SCN4B: variants seen among roughly 807,000 people sequenced by gnomAD.
SCN4B encodes the protein sodium voltage-gated channel beta subunit 4, also known as sodium channel regulatory subunit beta-4.
Under a neutral mutation model 19.6 loss-of-function variants are expected in SCN4B, and 20 were observed. That is an observed-to-expected ratio of 1.02 (90% CI 0.72 to 1.48). SCN4B has a LOEUF of 1.48. SCN4B is among the 40% of genes most tolerant of loss of function. SCN4B has a pLI of 0.00. For missense variants in SCN4B, 271 were observed against 287.5 expected (o/e 0.94, Z 0.42); for synonymous variants, 127 against 122.8 (o/e 1.03, Z -0.22).
intron 1 of SCN4B, among the ~76,000 whole-genome samples, chr11:118,149,031 T>C (rs1207604477): frequency 6.6e-6 from 1 of 152,232 alleles, no homozygotes; most frequent in Non-Finnish European, 1.5e-5. Flanking sequence ...AGCAGCCATT[T>C]TCTTTGCCTT....
At position 118,145,070 on chromosome 11, in the gene SCN4B, T is replaced by C. The variant is rs991576771; in HGVS notation, c.221A>G (p.Asp74Gly). 1.2e-6 allele frequency: 2 copies of C among 1,614,072 alleles called. No homozygotes were observed. Among genetic ancestry groups the C allele is most frequent in the African/African-American group, 2.7e-5 (2 of 74,990 alleles). ...CCAAATACTTACAATCTTGAATGCGTCACTGCTGTTGTAGGTCCACCGGAA... is the reference window on the plus strand; with the variant it reads ...CCAAATACTTACAATCTTGAATGCGCCACTGCTGTTGTAGGTCCACCGGAA... ...LHFRWTYNSS[D>G]AFKILIEGTV... The change falls in exon 2 of 5, where the codon GAC becomes GGC. Residue 74 changes from aspartate (D) to glycine (G), a missense_variant. Asp to Gly is a moderately conservative substitution (Grantham distance 94). Coordinates refer to ENST00000324727, the MANE Select transcript of SCN4B (RefSeq NM_174934.4).
intron 1 of SCN4B, among the ~76,000 whole-genome samples, chr11:118,151,603 G>A (rs1000209850): frequency 3.3e-5 from 5 of 152,136 alleles, no homozygotes; most frequent in Admixed American, 6.5e-5. Flanking sequence ...GTTTACATTC[G>A]CAGAAACAGT....
At chr11:118,137,163 A>G (rs745521722) in intron 4 of SCN4B, 43 bp from the exon 5 acceptor site, 22 of 1,422,914 alleles carry the variant, frequency 1.5e-5, no homozygotes, top group Non-Finnish European at 2.1e-5. Context: ...GAGAGGAGCA[A>G]GAGTAGGGGG....
intron 1 of SCN4B, among the ~76,000 whole-genome samples, chr11:118,147,174 A>G (rs1029703262): frequency 1.3e-5 from 2 of 152,232 alleles, no homozygotes; most frequent in Non-Finnish European, 2.9e-5. Flanking sequence ...TGTGCATACT[A>G]ACTACGACTT....
intron 4 of SCN4B, among the ~76,000 whole-genome samples, chr11:118,139,687 T>C (rs1303996570): frequency 6.6e-6 from 1 of 152,194 alleles, no homozygotes; most frequent in African/African-American, 2.4e-5. Flanking sequence ...TATCACTTAC[T>C]AGCTGTGTGG....
intron 1 of SCN4B, among the ~76,000 whole-genome samples, chr11:118,147,859 G>A (rs1025979009): frequency 6.6e-6 from 1 of 152,194 alleles, no homozygotes; most frequent in African/African-American, 2.4e-5. Flanking sequence ...TGGAGGAGAT[G>A]GGGGAACTCA....
rs369578115 is a variant in SCN4B at position 118,143,644 on chromosome 11, T to TA, written c.463+188dup. On this transcript the variant is annotated intron_variant, in intron 3 of 4. Coordinates refer to ENST00000324727, the MANE Select transcript of SCN4B (RefSeq NM_174934.4). ...GAGGCTTAGAGAGTATTTCATAAGC[T>TA]ATTTGGTAGCAGAATAAGTGTTCAA... Among the ~76,000 whole-genome samples, 374 of 152,364 alleles carry TA rather than the reference T, an allele frequency of 2.5e-3. 2 individuals are homozygous for TA. The highest frequency in any genetic ancestry group is 8.7e-3 in the African/African-American group (360 of 41,584).
chr11:118,145,425 G>A (rs1948159812), intron 1 of SCN4B, 196 bp from the exon 2 acceptor site: 1 of 1,510,192 alleles, frequency 6.6e-7, no homozygotes, highest in South Asian at 1.2e-5. Context: ...TTCTCCCCTG[G>A]AAAGGACTGA....
chr11:118,147,339 C>T (rs1948190326), intron 1 of SCN4B, among the ~76,000 whole-genome samples: 1 of 152,158 alleles, frequency 6.6e-6, no homozygotes, highest in Non-Finnish European at 1.5e-5. Context: ...TATACACTGT[C>T]TCATTTAACC....
chr11:118,135,160 T>C lies in SCN4B; in HGVS notation c.*1867A>G, dbSNP rs1288879795. The stretch of plus-strand genomic sequence containing the variant: ...CTGTCTGCTCCCAAAGCCAGGAAAA[T>C]CTGAGCCCCAGCCCATGACAGGTTC... On this transcript the variant is annotated 3_prime_UTR_variant, in exon 5 of 5. Coordinates refer to ENST00000324727, the MANE Select transcript of SCN4B (RefSeq NM_174934.4). 2.2e-6 allele frequency: 1 copy of C among 453,878 alleles called. No homozygotes were observed. Among genetic ancestry groups the C allele is most frequent in the African/African-American group, 2.0e-5 (1 of 49,966 alleles). The allele number at this position is 453,878 out of a possible 1,614,324, so 28.1% of individuals were successfully genotyped here. A position where few individuals can be genotyped will look rare whatever the true frequency, so the allele number is the denominator to read the frequency against.
intron 4 of SCN4B, among the ~76,000 whole-genome samples, chr11:118,139,519 TC>T (rs1213738105): frequency 6.6e-6 from 1 of 152,196 alleles, no homozygotes; most frequent in African/African-American, 2.4e-5. Flanking sequence ...TCTCATTCCT[TC>T]CATAATTTCC....
chr11:118,145,357 G>A (rs759930031), intron 1 of SCN4B, 128 bp from the exon 2 acceptor site: 31 of 1,542,148 alleles, frequency 2.0e-5, no homozygotes, highest in Middle Eastern at 4.4e-4. Context: ...GCCAACCTCG[G>A]GAGGATGGCT....
rs892601196 is a variant in SCN4B, at chr11:118,148,364, G to C, written c.62-3135C>G. ...TCAGTGTCTCCTATGAGGCTGCTCT[G>C]GGGGAGAGGGGGGAACCAGGGGCAG... On this transcript the variant is annotated intron_variant, in intron 1 of 4. Transcript: ENST00000324727. The surrounding 1 kb of genome is among the most constrained non-coding windows in gnomAD (Gnocchi z 4.0). 2.0e-5 allele frequency among the ~76,000 whole-genome samples: 3 copies of C among 152,188 alleles called. No homozygotes were observed. Among genetic ancestry groups the C allele is most frequent in the African/African-American group, 7.2e-5 (3 of 41,454 alleles).
Position 118,134,141 on chromosome 11 carries a change from C to T in SCN4B, c.*2886G>A, listed in dbSNP as rs1676746971. ...AGCCCCATCGGCTGCTCTCCCCAGG[C>T]CTCTCTAACATCAGGGGTTTATTCG... On this transcript the variant is annotated 3_prime_UTR_variant, in exon 5 of 5. Transcript: ENST00000324727. 2.2e-6 allele frequency: 1 copy of T among 454,300 alleles called. No individual in the cohort carries two copies. Among genetic ancestry groups the T allele is most frequent in the Non-Finnish European group, 4.4e-6 (1 of 226,798 alleles). The allele number at this position is 454,300 out of a possible 1,614,324, so 28.1% of individuals were successfully genotyped here.
chr11:118,145,411 C>G lies in SCN4B; in HGVS notation c.62-182G>C, dbSNP rs765597550. ...CGCCTGGGCCACCCTCCATCATTCT[C>G]CATTTCTCCCCTGGAAAGGACTGAA... On this transcript the variant is annotated intron_variant, in intron 1 of 4. Coordinates refer to ENST00000324727, the MANE Select transcript of SCN4B (RefSeq NM_174934.4). 27 of 1,522,232 alleles carry G rather than the reference C, an allele frequency of 1.8e-5. 1 individual carries two copies. In the South Asian group the frequency reaches 2.9e-4, roughly 16 times the overall value. 94.3% of individuals were successfully genotyped at this position (1,522,232 alleles called of 1,614,324 possible). A position where few individuals can be genotyped will look rare whatever the true frequency, so the allele number is the denominator to read the frequency against.
At chr11:118,151,742 C>CAGAGATGG (rs751061616) in intron 1 of SCN4B, among the ~76,000 whole-genome samples, 20 of 152,308 alleles carry the variant, frequency 1.3e-4, no homozygotes, top group Middle Eastern at 3.4e-3. Flanking sequence ...ATGCCGTTGC[C>CAGAGATGG]AGAGATGGAG....
Position 118,137,103 on chromosome 11 carries a change from C to G in SCN4B, c.611G>C (p.Ser204Thr), listed in dbSNP as rs1388896567. Residue 204 changes from serine to threonine, a missense_variant, in exon 5 of 5, where the codon AGC (serine) becomes ACC (threonine). Physicochemically the swap from Ser to Thr is moderately conservative, Grantham distance 58. Coordinates refer to ENST00000324727, the MANE Select transcript of SCN4B (RefSeq NM_174934.4). ...TREKKKECLV[S>T]SSGNDNTENG... The stretch of plus-strand genomic sequence containing the variant: ...CTCCGTGTTGTCATTCCCCGAGGAG[C>G]TCACGAGACACTCCTTCCTGGAGAG... 6.2e-7 allele frequency: 1 copy of G among 1,613,596 alleles called. No homozygotes were observed. The highest frequency in any genetic ancestry group is 8.5e-7 in the Non-Finnish European group (1 of 1,179,496).
rs1285188361 is a variant in SCN4B, at chr11:118,135,758, G to A, written c.*1269C>T. ...CAGGACATACCGTCTAGAGAGGATG[G>A]GGGTAAGGGCTAGGATTCAGGACTA... On this transcript the variant is annotated 3_prime_UTR_variant, in exon 5 of 5. Coordinates refer to ENST00000324727, the MANE Select transcript of SCN4B (RefSeq NM_174934.4). 4.4e-6 allele frequency: 2 copies of A among 454,474 alleles called. No individual in the cohort carries two copies. Among genetic ancestry groups the A allele is most frequent in the East Asian group, 1.4e-4 (2 of 14,372 alleles). 28.2% of individuals were successfully genotyped at this position (454,474 alleles called of 1,614,324 possible).
chr11:118,145,057 A>C lies in SCN4B; in HGVS notation c.234T>G (p.Ile78Met), dbSNP rs752040849. 2 of 1,613,898 alleles carry C rather than the reference A, an allele frequency of 1.2e-6. No individual in the cohort carries two copies. The highest frequency in any genetic ancestry group is 1.7e-6 in the Non-Finnish European group (2 of 1,179,896). Residue 78 changes from isoleucine (I) to methionine (M), a missense_variant and splice_region_variant, in exon 2 of 5, where the codon ATT becomes ATG. Transcript: ENST00000324727. ...TACTGTTCTTCCTCCAAATACTTAC[A>C]ATCTTGAATGCGTCACTGCTGTTGT... is the stretch of plus-strand genomic sequence containing the variant. ...WTYNSSDAFK[I>M]LIEGTVKNEK...
Sources: allele counts gnomAD v4.1 joint callset (sites outside exome capture counted in the v4.1 genomes callset), GRCh38; gene constraint gnomAD v4.1.1; non-coding constraint Gnocchi (gnomAD v3.1); transcripts MANE v1.5; gene names NCBI Gene and HGNC (gene_info 2026-07-23, HGNC 2026-07-21).